KCNC3: variants seen among roughly 807,000 people sequenced by gnomAD.
KCNC3 encodes the protein potassium voltage-gated channel subfamily C member 3, also known as voltage-gated potassium channel KCNC3.
A neutral mutation model predicts 43.9 loss-of-function variants in KCNC3; 22 were observed. That is an observed-to-expected ratio of 0.50 (90% CI 0.36 to 0.72). KCNC3 has a LOEUF of 0.72. Ranked by LOEUF, KCNC3 falls within the 30% of genes least tolerant of loss-of-function variation. The pLI is 0.00. For missense variants in KCNC3, 829 were observed against 1,073.8 expected (o/e 0.77, Z 3.19); for synonymous variants, 492 against 488.0 (o/e 1.01, Z -0.11).
At chr19:50,325,727 G>T (rs1349417180) in intron 1 of KCNC3, among the ~76,000 whole-genome samples, 4 of 151,952 alleles carry the variant, frequency 2.6e-5, no homozygotes, top group African/African-American at 9.7e-5. Flanking sequence ...GGCCAGCCGG[G>T]CCGGGGGGCG....
At position 50,312,425 on chromosome 19, in the gene KCNC3, AGGGGTGCGACATGCGTGTGG is replaced by A. The variant is rs977271868; in HGVS notation, c.*3670_*3689del. 1 of 151,760 alleles carries A rather than the reference AGGGGTGCGACATGCGTGTGG, an allele frequency of 6.6e-6. No individual in the cohort carries two copies. Among genetic ancestry groups the A allele is most frequent in the Admixed American group, 6.5e-5 (1 of 15,270 alleles). The allele number at this position is 151,760 out of a possible 1,614,324, so 9.4% of individuals were successfully genotyped here. A position where few individuals can be genotyped will look rare whatever the true frequency, so the allele number is the denominator to read the frequency against. On this transcript the variant is annotated 3_prime_UTR_variant, in exon 5 of 5. Coordinates refer to ENST00000477616, the MANE Select transcript of KCNC3 (RefSeq NM_004977.3). ...TGTCCGTGCGTTCCCGGAGCGCAGG[AGGGGTGCGACATGCGTGTGG>A]GGGGCGCGTCATGCAGCGCATGCGT...
intron 4 of KCNC3, among the ~76,000 whole-genome samples, chr19:50,319,075 T>C (rs1311767536): frequency 1.3e-5 from 2 of 151,080 alleles, no homozygotes; most frequent in Non-Finnish European, 2.9e-5. Context: ...GAGCTAGGAG[T>C]TGGCTTGGAT....
At position 50,323,597 on chromosome 19, in the gene KCNC3, G is replaced by C; in HGVS notation, c.1356C>G (p.Ile452Met). ...TGAGCACCCCCAGGGCCAGGAAGAT[G>C]ATGAGCAGCAGGAACTCGTTGGTGC... Reference protein sequence around the residue: ...RASTNEFLLLIIFLALGVLIF... With the variant: ...RASTNEFLLLMIFLALGVLIF... The change falls in exon 2 of 5, where the codon ATC becomes ATG. Residue 452 changes from isoleucine (I) to methionine (M), a missense_variant. By Grantham distance (10) the Ile-to-Met change is conservative. Around this residue, in one of 7 missense-constraint regions of KCNC3, gnomAD observed 157 missense variants for 293.5 expected, o/e 0.53. Transcript: ENST00000477616. 6.2e-7 allele frequency: 1 copy of C among 1,614,262 alleles called. No homozygotes were observed. Among genetic ancestry groups the C allele is most frequent in the African/African-American group, 1.3e-5 (1 of 75,076 alleles).
Position 50,324,126 on chromosome 19 carries a change from C to A in KCNC3, c.871-44G>T. 6.5e-7 allele frequency: 1 copy of A among 1,541,008 alleles called. No individual in the cohort carries two copies. The highest frequency in any genetic ancestry group is 8.7e-7 in the Non-Finnish European group (1 of 1,145,146). On this transcript the variant is annotated intron_variant, in intron 1 of 4. Transcript: ENST00000477616. The surrounding 1 kb of genome is among the most constrained non-coding windows in gnomAD (Gnocchi z 4.1). ...GAGAGAGGGGGAGAGGTGACCTAGG[C>A]ATCAGGTTGGCCATAACATCCAGAA...
rs1305822913 is a variant in KCNC3, at chr19:50,323,163, G to A, written c.1790C>T (p.Pro597Leu). 14 of 1,531,888 alleles carry A rather than the reference G, an allele frequency of 9.1e-6. No individual in the cohort carries two copies. The highest frequency in any genetic ancestry group is 4.8e-5 in the South Asian group (4 of 83,766). The allele number at this position is 1,531,888 out of a possible 1,614,324, so 94.9% of individuals were successfully genotyped here. ...CATGGAGGGTGGGGTGATGGGTGGC[G>A]GCGGGCTGATGCCCCCGCTGCCGTG... ...PHHGSGGISP[P>L]PPITPPSMGV... Residue 597 changes from proline to leucine, a missense_variant, in exon 2 of 5, where the codon CCG becomes CTG. Physicochemically the swap from Pro to Leu is moderately conservative, Grantham distance 98 (BLOSUM62 -3). Around this residue, in one of 7 missense-constraint regions of KCNC3, gnomAD observed 308 missense variants for 276.2 expected, o/e 1.11. Coordinates refer to ENST00000477616, the MANE Select transcript of KCNC3 (RefSeq NM_004977.3).
At chr19:50,321,489 G>A (rs1158359322) in intron 2 of KCNC3, among the ~76,000 whole-genome samples, 2 of 152,090 alleles carry the variant, frequency 1.3e-5, no homozygotes. Flanking sequence ...GATAAAAGAT[G>A]CCAGGCGTGG....
chr19:50,324,337 G>A lies in KCNC3; in HGVS notation c.871-255C>T, dbSNP rs955467256. The stretch of plus-strand genomic sequence containing the variant: ...CCCCAGCAGACGCAGCAGATGGGCA[G>A]CTTCTTTCCTTGGAAACATTTCTGG... On this transcript the variant is annotated intron_variant, in intron 1 of 4. Coordinates refer to ENST00000477616, the MANE Select transcript of KCNC3 (RefSeq NM_004977.3). This position sits in a 1 kb window ranked among gnomAD's most constrained non-coding sequence, Gnocchi z 4.1. Among the ~76,000 whole-genome samples, 1 of 152,220 alleles carries A rather than the reference G, an allele frequency of 6.6e-6. No individual in the cohort carries two copies. Among genetic ancestry groups the A allele is most frequent in the African/African-American group, 2.4e-5 (1 of 41,466 alleles).
upstream of KCNC3, among the ~76,000 whole-genome samples, chr19:50,332,497 C>G (rs1443617669): frequency 6.6e-6 from 1 of 152,066 alleles, no homozygotes; most frequent in Non-Finnish European, 1.5e-5. The surrounding 1 kb of genome is among the most constrained non-coding windows in gnomAD (Gnocchi z 5.8). Context: ...TCCATCAGGC[C>G]CTGGGAAACT....
Position 50,314,867 on chromosome 19 carries a change from G to A in KCNC3, c.*1248C>T, listed in dbSNP as rs1377036640. The A allele has an allele frequency of 1.3e-5, 4 of 317,854 alleles. No homozygotes were observed. Among genetic ancestry groups the A allele is most frequent in the Non-Finnish European group, 2.4e-5 (4 of 164,308 alleles). The allele number at this position is 317,854 out of a possible 1,614,324, so 19.7% of individuals were successfully genotyped here. A position where few individuals can be genotyped will look rare whatever the true frequency, so the allele number is the denominator to read the frequency against. ...GGGAGGGGAGCGCTAAAGGATGGAG[G>A]GCAGGGTCGGGGGAGCGCGGCGGGC... On this transcript the variant is annotated 3_prime_UTR_variant, in exon 5 of 5. Transcript: ENST00000477616.
In KCNC3 at chr19:50,324,020, G is replaced by C; in HGVS notation, c.933C>G (p.Thr311=). Residue 311 remains threonine, a synonymous_variant, in exon 2 of 5, where the codon ACC becomes ACG. Coordinates refer to ENST00000477616, the MANE Select transcript of KCNC3 (RefSeq NM_004977.3). This position sits in a 1 kb window ranked among gnomAD's most constrained non-coding sequence, Gnocchi z 4.1. ...LISITTFCLE[T]HEGFIHISNK... is the part of the protein sequence containing the mutation. ...TGCTAATATGGATGAAGCCCTCATG[G>C]GTTTCCAGGCAGAAGGTGGTGATGG... 1 of 1,609,348 alleles carries C rather than the reference G, an allele frequency of 6.2e-7. No individual in the cohort carries two copies. The highest frequency in any genetic ancestry group is 8.5e-7 in the Non-Finnish European group (1 of 1,176,450).
At chr19:50,330,344 T>C (rs568662391), upstream of KCNC3, among the ~76,000 whole-genome samples, 10 of 151,980 alleles carry the variant, frequency 6.6e-5, no homozygotes, top group African/African-American at 2.2e-4. Flanking sequence ...GGAGCGGGGC[T>C]TGAGGGTCTT....
chr19:50,316,523 T>C (rs2036956546), intron 4 of KCNC3, among the ~76,000 whole-genome samples: 2 of 151,976 alleles, frequency 1.3e-5, no homozygotes, highest in Non-Finnish European at 2.9e-5. Context: ...AGCAGATCAC[T>C]TGAGTCCAGG....
intron 1 of KCNC3, among the ~76,000 whole-genome samples, chr19:50,325,712 G>C (rs2123539625): frequency 6.6e-6 from 1 of 152,124 alleles, no homozygotes; most frequent in South Asian, 2.1e-4. Context: ...ACCGCAGTGG[G>C]GGCGGGCCAG....
rs768475286 is a variant in KCNC3, at chr19:50,329,053, G to C, written c.30C>G (p.Phe10Leu). 1.2e-5 allele frequency: 16 copies of C among 1,339,374 alleles called. No homozygotes were observed. The highest frequency in any genetic ancestry group is 1.2e-5 in the Non-Finnish European group (13 of 1,041,242). 83.0% of individuals were successfully genotyped at this position (1,339,374 alleles called of 1,614,324 possible). A position where few individuals can be genotyped will look rare whatever the true frequency, so the allele number is the denominator to read the frequency against. MLSSVCVSS[F>L]RGRQGASKQQ... ...GCTTGCTGGCCCCCTGGCGCCCGCGGAAGGACGAGACGCAGACTGAGCTCA... is the reference window on the plus strand; with the variant it reads ...GCTTGCTGGCCCCCTGGCGCCCGCGCAAGGACGAGACGCAGACTGAGCTCA... The change falls in exon 1 of 5, where the codon TTC (phenylalanine) becomes TTG (leucine). Residue 10 changes from phenylalanine (F) to leucine (L), a missense_variant. This residue lies in a region of KCNC3 where 129 missense variants were observed against 83.6 expected (regional missense o/e 1.54). Transcript: ENST00000477616.
intron 4 of KCNC3, among the ~76,000 whole-genome samples, chr19:50,317,100 G>A (rs561835584): frequency 6.6e-6 from 1 of 151,430 alleles, no homozygotes; most frequent in South Asian, 2.1e-4. Flanking sequence ...CTGGGGGTGG[G>A]GAACAGAGGA....
intron 2 of KCNC3, among the ~76,000 whole-genome samples, chr19:50,321,130 T>TG (rs1472169000): frequency 6.6e-6 from 1 of 151,676 alleles, no homozygotes; most frequent in Non-Finnish European, 1.5e-5. Flanking sequence ...GTGCCAGGTG[T>TG]GGGGTGCCAG....
In KCNC3 at chr19:50,322,965, C is replaced by G; in HGVS notation, c.1978+10G>C. ...CACCTGTGCCCCCGATCCCTGACGC[C>G]CAGGCTCACCTGCCCGGTTGATCTC... On this transcript the variant is annotated intron_variant, in intron 2 of 4. Transcript: ENST00000477616. 1 of 1,550,418 alleles carries G rather than the reference C, an allele frequency of 6.4e-7. No individual in the cohort carries two copies. Among genetic ancestry groups the G allele is most frequent in the Non-Finnish European group, 8.7e-7 (1 of 1,147,306 alleles).
chr19:50,323,566 C>G lies in KCNC3; in HGVS notation c.1387G>C (p.Ala463Pro). ...IFLALGVLIF[A>P]TMIYYAERIG... is the part of the protein sequence containing the mutation. ...CGCTCAGCGTAGTAAATCATGGTGG[C>G]GAAGATGAGCACCCCCAGGGCCAGG... The change falls in exon 2 of 5, where the codon GCC becomes CCC. Residue 463 changes from alanine to proline, a missense_variant. Around this residue, in one of 7 missense-constraint regions of KCNC3, gnomAD observed 157 missense variants for 293.5 expected, o/e 0.53. Coordinates refer to ENST00000477616, the MANE Select transcript of KCNC3 (RefSeq NM_004977.3). 6.2e-7 allele frequency: 1 copy of G among 1,614,224 alleles called. No homozygotes were observed. Among genetic ancestry groups the G allele is most frequent in the East Asian group, 2.2e-5 (1 of 44,884 alleles).
chr19:50,318,739 C>T (rs1465781399), intron 4 of KCNC3, among the ~76,000 whole-genome samples: 2 of 152,164 alleles, frequency 1.3e-5, no homozygotes, highest in African/African-American at 2.4e-5. Flanking sequence ...CAGATTCACG[C>T]TTTGTTTTAT....
Sources: gnomAD v4.1 joint callset for allele counts (sites outside exome capture counted in the v4.1 genomes callset) on GRCh38, gnomAD v4.1.1 for gene constraint, gnomAD v4.1.1 regional missense constraint, Gnocchi (gnomAD v3.1) non-coding constraint, MANE v1.5 for transcripts, NCBI Gene and HGNC (gene_info 2026-07-23, HGNC 2026-07-21) for gene names.